Variants in CHLSN observed in about 807,000 individuals in gnomAD.
CHLSN encodes cholesin.
chr7:1,068,676 A>C, the CHLSN span, among the ~76,000 whole-genome samples: 3 of 151,734 alleles, frequency 2.0e-5, no homozygotes, highest in Middle Eastern at 3.2e-3. Context: ...CCTTCACCTG[A>C]CCCAAAAACT....
the CHLSN span, chr7:1,025,431 G>C: frequency 6.6e-6 from 1 of 152,472 alleles, no homozygotes; most frequent in Admixed American, 6.5e-5. Flanking sequence ...CCTGTTGTGG[G>C]GGGACACTGC....
At chr7:1,126,406 C>A in the CHLSN span, among the ~76,000 whole-genome samples, 1 of 144,842 alleles carries the variant, frequency 6.9e-6, no homozygotes, top group South Asian at 2.2e-4. Flanking sequence ...AGGCCAGGTG[C>A]GGTGGCTCAC....
the CHLSN span, chr7:1,000,630 C>T: frequency 4.2e-5 from 51 of 1,204,882 alleles, no homozygotes; most frequent in Middle Eastern, 3.8e-4. Flanking sequence ...AGATCGGGGA[C>T]GCCTCATCTT....
the CHLSN span, among the ~76,000 whole-genome samples, chr7:1,104,565 C>G: frequency 4.2e-3 from 647 of 152,274 alleles, 3 homozygotes; most frequent in Middle Eastern, 0.041. Context: ...ACTGTGTTCC[C>G]GAGGGGCCCA....
At chr7:1,068,865 A>G in the CHLSN span, among the ~76,000 whole-genome samples, 18 of 152,212 alleles carry the variant, frequency 1.2e-4, no homozygotes, top group East Asian at 3.1e-3. Flanking sequence ...AAAAACACCT[A>G]CAGCCCCTGC....
At chr7:1,064,901 GTC>G in the CHLSN span, among the ~76,000 whole-genome samples, 1 of 152,242 alleles carries the variant, frequency 6.6e-6, no homozygotes, top group African/African-American at 2.4e-5. Flanking sequence ...GAAACGCCGG[GTC>G]AAGCGAGCAG....
At chr7:999,911 G>A in the CHLSN span, among the ~76,000 whole-genome samples, 1 of 152,228 alleles carries the variant, frequency 6.6e-6, no homozygotes, top group Non-Finnish European at 1.5e-5. Context: ...GTTTCATCCT[G>A]TGAAACTCTA....
the CHLSN span, among the ~76,000 whole-genome samples, chr7:1,041,326 G>C: frequency 5.8e-3 from 446 of 76,980 alleles, 28 homozygotes; most frequent in Middle Eastern, 0.016. Context: ...CTGCGGGGAA[G>C]GGGGCCTGGG....
At chr7:1,077,607 A>G in the CHLSN span, among the ~76,000 whole-genome samples, 1 of 152,264 alleles carries the variant, frequency 6.6e-6, no homozygotes, top group Non-Finnish European at 1.5e-5. Flanking sequence ...ACAGGCACAC[A>G]CCACCTTTTC....
the CHLSN span, among the ~76,000 whole-genome samples, chr7:1,053,142 G>A: frequency 1.3e-4 from 19 of 150,372 alleles, no homozygotes; most frequent in East Asian, 3.6e-3. Flanking sequence ...CGGCAGCCAG[G>A]AAAAGGAAGT....
chr7:1,044,877 T>C, the CHLSN span, among the ~76,000 whole-genome samples: 1 of 152,264 alleles, frequency 6.6e-6, no homozygotes, highest in African/African-American at 2.4e-5. Context: ...GGGGGCGGGC[T>C]TTCGGTCATT....
the CHLSN span, among the ~76,000 whole-genome samples, chr7:998,859 T>C: frequency 6.6e-6 from 1 of 152,240 alleles, no homozygotes; most frequent in Admixed American, 6.5e-5. Flanking sequence ...AAATGGACTC[T>C]TAGGCTTTCA....
chr7:1,078,500 G>T, the CHLSN span, among the ~76,000 whole-genome samples: 5 of 152,226 alleles, frequency 3.3e-5, no homozygotes, highest in Non-Finnish European at 2.9e-5. Context: ...CACAAGGCAG[G>T]CGCTGCGCTC....
At chr7:995,152 G>A in the CHLSN span, among the ~76,000 whole-genome samples, 6 of 152,242 alleles carry the variant, frequency 3.9e-5, no homozygotes, top group East Asian at 1.9e-4. Context: ...CATGTGGCCC[G>A]ACGTGGCTGG....
the CHLSN span, among the ~76,000 whole-genome samples, chr7:1,013,726 G>C: frequency 6.6e-6 from 1 of 152,168 alleles, no homozygotes; most frequent in African/African-American, 2.4e-5. Flanking sequence ...GATGTCTAAA[G>C]CCGGCGTCTC....
At chr7:1,002,821 TG>T in the CHLSN span, among the ~76,000 whole-genome samples, 2 of 76,368 alleles carry the variant, frequency 2.6e-5, no homozygotes, top group Non-Finnish European at 2.6e-5. Context: ...TGGGGAGTCC[TG>T]TGGGTGAGTG....
chr7:1,050,034 C>T, the CHLSN span, among the ~76,000 whole-genome samples: 2 of 152,352 alleles, frequency 1.3e-5, no homozygotes, highest in East Asian at 1.9e-4. Context: ...GTCTCTCTGG[C>T]GGGCTAGGCC....
chr7:1,020,935 G>C, the CHLSN span, among the ~76,000 whole-genome samples: 6 of 152,214 alleles, frequency 3.9e-5, no homozygotes, highest in African/African-American at 1.4e-4. Context: ...ACCACCAGGT[G>C]GAGCCTTCAG....
chr7:1,093,183 A>T, the CHLSN span: 1 of 549,294 alleles, frequency 1.8e-6, no homozygotes. Flanking sequence ...CGCTGCAGGA[A>T]ACATTTCTGA....
Sources: allele counts gnomAD v4.1 joint callset (sites outside exome capture counted in the v4.1 genomes callset), GRCh38; gene constraint gnomAD v4.1.1; transcripts MANE v1.5; gene names NCBI Gene and HGNC (gene_info 2026-07-23, HGNC 2026-07-21).